Variants in RBFOX1 observed in about 807,000 individuals in gnomAD.
RBFOX1 encodes RNA binding fox-1 homolog 1.
RBFOX1 carries 8 observed loss-of-function variants against 57.7 expected under a neutral mutation model. That is an observed-to-expected ratio of 0.14 (90% CI 0.08 to 0.25). RBFOX1 has a LOEUF of 0.25. Among genes scored for constraint, RBFOX1 ranks in the 10% least tolerant of loss-of-function variants. The pLI, the probability that RBFOX1 is intolerant of heterozygous loss-of-function variation, is 1.00. For missense variants in RBFOX1, 611 were observed against 548.5 expected (o/e 1.11, Z -1.14); for synonymous variants, 326 against 222.4 (o/e 1.47, Z -4.15).
chr16:6,529,821 AT>A (rs985985919), intron 2 of RBFOX1, among the ~76,000 whole-genome samples: 2 of 152,052 alleles, frequency 1.3e-5, no homozygotes, highest in Non-Finnish European at 2.9e-5. Flanking sequence ...TTTCTTTAAC[AT>A]TTTTATTAAA....
chr16:6,229,381 C>G (rs955890842), intron 1 of RBFOX1, among the ~76,000 whole-genome samples: 2 of 152,220 alleles, frequency 1.3e-5, no homozygotes, highest in Admixed American at 1.3e-4. Flanking sequence ...CTCACAAGGA[C>G]TCTTGTGGAT....
intron 1 of RBFOX1, among the ~76,000 whole-genome samples, chr16:5,309,814 G>C (rs922329161): frequency 6.6e-6 from 1 of 152,200 alleles, no homozygotes; most frequent in African/African-American, 2.4e-5. Flanking sequence ...CACAGACACA[G>C]AAAACCACAG....
chr16:6,679,599 C>G (rs935764767), intron 3 of RBFOX1, among the ~76,000 whole-genome samples: 18 of 152,106 alleles, frequency 1.2e-4, no homozygotes, highest in African/African-American at 3.9e-4. Flanking sequence ...ATGCTAAGAA[C>G]AAATAGATTG....
chr16:6,209,796 G>C (rs2097280976), intron 1 of RBFOX1, among the ~76,000 whole-genome samples: 1 of 152,132 alleles, frequency 6.6e-6, no homozygotes, highest in Non-Finnish European at 1.5e-5. Flanking sequence ...TCCAGCCTGA[G>C]AGGTTTTAGC....
At chr16:5,461,581 G>C (rs1333035457) in intron 1 of RBFOX1, among the ~76,000 whole-genome samples, 1 of 152,222 alleles carries the variant, frequency 6.6e-6, no homozygotes, top group Non-Finnish European at 1.5e-5. Context: ...AAAAGGGGCA[G>C]AGTCTGCCTT....
chr16:7,410,478 T>C (rs13335738), intron 4 of RBFOX1, among the ~76,000 whole-genome samples: 16,417 of 152,126 alleles, frequency 0.11, 1,021 homozygotes, highest in African/African-American at 0.17. Flanking sequence ...GGTTGGGAGT[T>C]CGAGACCAGC....
intron 4 of RBFOX1, among the ~76,000 whole-genome samples, chr16:7,372,909 A>C (rs1467785122): frequency 6.6e-6 from 1 of 150,608 alleles, no homozygotes; most frequent in Non-Finnish European, 1.5e-5. Context: ...TTTGAAATTT[A>C]TAGGAATTTA....
At chr16:7,160,862 T>C (rs958654069) in intron 4 of RBFOX1, among the ~76,000 whole-genome samples, 1 of 151,518 alleles carries the variant, frequency 6.6e-6, no homozygotes, top group African/African-American at 2.4e-5. Flanking sequence ...TCCTCCTTCT[T>C]TTTCTTCGTT....
At chr16:6,934,283 C>A (rs149603664) in intron 3 of RBFOX1, among the ~76,000 whole-genome samples, 15 of 152,080 alleles carry the variant, frequency 9.9e-5, no homozygotes, top group Non-Finnish European at 2.1e-4. Flanking sequence ...GAAGTTGCTG[C>A]GCTTGGGATT....
At chr16:7,488,596 A>G (rs1251227369) in intron 4 of RBFOX1, among the ~76,000 whole-genome samples, 4 of 152,080 alleles carry the variant, frequency 2.6e-5, no homozygotes, top group Non-Finnish European at 5.9e-5. Flanking sequence ...TCGTCTATCT[A>G]TACGTTCATC....
chr16:5,541,531 A>G lies in RBFOX1; in HGVS notation c.259-57371A>G, dbSNP rs2044952176. Among the ~76,000 whole-genome samples the G allele has an allele frequency of 2.0e-5, 3 of 152,274 alleles. No homozygotes were observed. The South Asian group carries it at 6.2e-4, about 32-fold the overall frequency. On this transcript the variant is annotated intron_variant, in intron 2 of 2. Coordinates refer to the RBFOX1 transcript ENST00000585867. ...TCCAGGTCACTGGTAGGTGAGAGAC[A>G]AAGGGTTGCATTCTCTTGAGTTTCT...
intron 5 of RBFOX1, among the ~76,000 whole-genome samples, chr16:7,567,769 C>A (rs1225673336): frequency 6.9e-6 from 1 of 145,914 alleles, no homozygotes; most frequent in Non-Finnish European, 1.5e-5. Flanking sequence ...CTATATATAT[C>A]CCTCTCTATA....
chr16:5,466,048 G>C (rs1047589352), intron 1 of RBFOX1, among the ~76,000 whole-genome samples: 7 of 152,228 alleles, frequency 4.6e-5, no homozygotes, highest in Non-Finnish European at 8.8e-5. Flanking sequence ...AGTTCATGGG[G>C]ACCCTGAAAG....
At chr16:7,086,702 A>T (rs1242603922) in intron 4 of RBFOX1, among the ~76,000 whole-genome samples, 1 of 152,188 alleles carries the variant, frequency 6.6e-6, no homozygotes, top group East Asian at 1.9e-4. Flanking sequence ...GATTGCAAAG[A>T]GAGGGAGGGA....
At chr16:7,666,596 G>C (rs528262396) in intron 13 of RBFOX1, among the ~76,000 whole-genome samples, 11 of 152,266 alleles carry the variant, frequency 7.2e-5, no homozygotes, top group African/African-American at 2.6e-4. Context: ...TGAAGGCAGG[G>C]TCTGTGGAGC....
At chr16:5,566,415 A>AC (rs2046069045) in intron 2 of RBFOX1, among the ~76,000 whole-genome samples, 1 of 152,182 alleles carries the variant, frequency 6.6e-6, no homozygotes, top group Non-Finnish European at 1.5e-5. Flanking sequence ...AATTGACCGT[A>AC]GATGGATGGT....
At chr16:7,664,797 A>G (rs1336559396) in intron 12 of RBFOX1, 132 bp from the exon 13 acceptor site, 4 of 1,546,450 alleles carry the variant, frequency 2.6e-6, no homozygotes, top group Non-Finnish European at 3.5e-6. Flanking sequence ...CCTTAATCCA[A>G]TGTGAAAACG....
chr16:5,626,227 C>T (rs1259867605), intron 3 of RBFOX1, among the ~76,000 whole-genome samples: 1 of 152,186 alleles, frequency 6.6e-6, no homozygotes, highest in East Asian at 1.9e-4. Context: ...GGAAGGATGG[C>T]TCAGAGTTCT....
At chr16:7,476,719 A>C (rs972205643) in intron 4 of RBFOX1, among the ~76,000 whole-genome samples, 3 of 152,172 alleles carry the variant, frequency 2.0e-5, no homozygotes, top group African/African-American at 7.2e-5. Context: ...GACCCCTCTG[A>C]AGCATTGCTC....
Sources: allele counts gnomAD v4.1 joint callset (sites outside exome capture counted in the v4.1 genomes callset), GRCh38; gene constraint gnomAD v4.1.1; transcripts MANE v1.5; gene names NCBI Gene and HGNC (gene_info 2026-07-23, HGNC 2026-07-21).